Variants in ZNF773 observed in about 807,000 individuals in gnomAD.
The protein encoded by ZNF773 is zinc finger protein 773.
Under a neutral mutation model 12.8 loss-of-function variants are expected in ZNF773, and 11 were observed. The observed-to-expected ratio is 0.86, with a 90% confidence interval of 0.54 to 1.42. The LOEUF is 1.42. Ranked by LOEUF, ZNF773 falls within the 40% of genes most tolerant of loss-of-function variation. ZNF773 has a pLI of 0.00. For missense variants in ZNF773, 518 were observed against 527.2 expected (o/e 0.98, Z 0.17); for synonymous variants, 175 against 178.4 (o/e 0.98, Z 0.15).
At position 57,501,799 on chromosome 19, in the gene ZNF773, CA is replaced by C. The variant is rs2089673480; in HGVS notation, c.33+1687del. On this transcript the variant is annotated intron_variant, in intron 1 of 3. Coordinates refer to ENST00000282292, the MANE Select transcript of ZNF773 (RefSeq NM_198542.3). ...GTAAGTGGAGGATGTCTCAGGCCCT[CA>C]CCCTCCTCAACTCCTACCTACATGG... 3.3e-5 allele frequency among the ~76,000 whole-genome samples: 5 copies of C among 152,124 alleles called. No individual in the cohort carries two copies. The South Asian group carries it at 1.0e-3, about 32-fold the overall frequency.
In ZNF773 at chr19:57,508,001, CGTG is replaced by C. The variant is rs1045258531; in HGVS notation, c.*582_*584del. Reference sequence around the variant, plus strand: ...AAAAAAAAAAAAAAAATTAGCCCGGCGTGGTGGCAGGCAACTGTAGTCCCAGCT... The same window carrying C: ...AAAAAAAAAAAAAAAATTAGCCCGGCGTGGCAGGCAACTGTAGTCCCAGCT... On this transcript the variant is annotated 3_prime_UTR_variant, in exon 4 of 4. Transcript: ENST00000282292. 1 of 192,616 alleles carries C rather than the reference CGTG, an allele frequency of 5.2e-6. No individual in the cohort carries two copies. The highest frequency in any genetic ancestry group is 9.2e-6 in the Non-Finnish European group (1 of 108,132). 11.9% of individuals were successfully genotyped at this position (192,616 alleles called of 1,614,324 possible).
intron 3 of ZNF773, among the ~76,000 whole-genome samples, chr19:57,506,072 C>G (rs1045449727): frequency 6.6e-6 from 1 of 152,098 alleles, no homozygotes; most frequent in African/African-American, 2.4e-5. Context: ...TCTCCAGCAG[C>G]CAAAACCCTG....
downstream of ZNF773, among the ~76,000 whole-genome samples, chr19:57,509,618 T>TA (rs775035917): frequency 2.6e-5 from 4 of 152,210 alleles, no homozygotes; most frequent in Non-Finnish European, 4.4e-5. Context: ...ACCACAAACT[T>TA]ACGGTTTAAA....
chr19:57,507,214 C>A lies in ZNF773; in HGVS notation c.1119C>A (p.Ser373Arg). 6.2e-7 allele frequency: 1 copy of A among 1,611,186 alleles called. No individual in the cohort carries two copies. The highest frequency in any genetic ancestry group is 8.5e-7 in the Non-Finnish European group (1 of 1,178,008). The change falls in exon 4 of 4, where the codon AGC becomes AGA. Residue 373 changes from serine (S) to arginine (R), a missense_variant. Physicochemically the swap from Ser to Arg is moderately radical, Grantham distance 110 (BLOSUM62 -1). Transcript: ENST00000282292. ...ECGKFFSQSS[S>R]LMQHRKVHTG... ...GGAAATTTTTTAGCCAAAGCTCAAG[C>A]CTCATGCAACATCGAAAAGTTCACA...
At chr19:57,514,015 T>C (rs2089816497), downstream of ZNF773, 1 of 152,280 alleles carries the variant, frequency 6.6e-6, no homozygotes, top group African/African-American at 2.4e-5. Context: ...CCCCAAGGCG[T>C]GCTTAACAGT....
chr19:57,504,591 G>A (rs2123255912), intron 1 of ZNF773, 66 bp from the exon 2 acceptor site: 4 of 1,599,846 alleles, frequency 2.5e-6, no homozygotes, highest in South Asian at 1.1e-5. Context: ...AGGGGTGGAT[G>A]TTTAGGGGGA....
At position 57,506,390 on chromosome 19, in the gene ZNF773, G is replaced by A. The variant is rs55823456; in HGVS notation, c.295G>A (p.Ala99Thr). 1 of 1,613,136 alleles carries A rather than the reference G, an allele frequency of 6.2e-7. No homozygotes were observed. Among genetic ancestry groups the A allele is most frequent in the African/African-American group, 1.3e-5 (1 of 74,832 alleles). ...SWQGAKAEAA[A>T]EQSASVEVPS... ...GCAAGGAGCCAAGGCTGAGGCAGCTGCTGAGCAGAGTGCTTCTGTAGAAGT... is the reference window on the plus strand; with the variant it reads ...GCAAGGAGCCAAGGCTGAGGCAGCTACTGAGCAGAGTGCTTCTGTAGAAGT... The change falls in exon 4 of 4, where the codon GCT (alanine) becomes ACT (threonine). Residue 99 changes from alanine (A) to threonine (T), a missense_variant. Physicochemically the swap from Ala to Thr is moderately conservative, Grantham distance 58 (BLOSUM62 0). Coordinates refer to ENST00000282292, the MANE Select transcript of ZNF773 (RefSeq NM_198542.3).
intron 3 of ZNF773, 77 bp from the exon 4 acceptor site, chr19:57,506,281 G>T: frequency 6.5e-7 from 1 of 1,533,838 alleles, no homozygotes; most frequent in Non-Finnish European, 8.7e-7. Context: ...ATTACCAGGT[G>T]TGTCAGACAC....
At chr19:57,511,346 C>T (rs1039791653), downstream of ZNF773, among the ~76,000 whole-genome samples, 17 of 152,044 alleles carry the variant, frequency 1.1e-4, no homozygotes, top group Admixed American at 2.0e-4. Flanking sequence ...CCACCATGCC[C>T]GGCCAACAAT....
Position 57,507,354 on chromosome 19 carries a change from G to T in ZNF773, c.1259G>T (p.Cys420Phe), listed in dbSNP as rs145302350. The change falls in exon 4 of 4, where the codon TGT becomes TTT. Residue 420 changes from cysteine (C) to phenylalanine (F), a missense_variant. Physicochemically the swap from Cys to Phe is radical, Grantham distance 205. Coordinates refer to ENST00000282292, the MANE Select transcript of ZNF773 (RefSeq NM_198542.3). ...TGAKPYECRE[C>F]GKFFRHSSSL... ...GCAAAGCCTTATGAGTGCAGGGAAT[G>T]TGGGAAATTTTTTCGCCACAGCTCC... is the stretch of plus-strand genomic sequence containing the variant. The T allele has an allele frequency of 1.9e-6, 3 of 1,613,224 alleles. No individual in the cohort carries two copies. The highest frequency in any genetic ancestry group is 2.5e-6 in the Non-Finnish European group (3 of 1,179,782).
chr19:57,510,575 A>G (rs10153520), downstream of ZNF773, among the ~76,000 whole-genome samples: 31,416 of 152,064 alleles, frequency 0.21, 3,364 homozygotes, highest in African/African-American at 0.25. Flanking sequence ...TACATATAAC[A>G]TGATAATATT....
intron 1 of ZNF773, among the ~76,000 whole-genome samples, chr19:57,502,611 A>C (rs1489017919): frequency 6.6e-6 from 1 of 152,204 alleles, no homozygotes; most frequent in Non-Finnish European, 1.5e-5. Flanking sequence ...AGGCTACTAC[A>C]GTAGTCTGTG....
At chr19:57,508,667 C>T (rs1159448145), downstream of ZNF773, 5 of 630,516 alleles carry the variant, frequency 7.9e-6, no homozygotes, top group African/African-American at 1.8e-5. Flanking sequence ...TTTTCCATTT[C>T]TTCATATTAC....
downstream of ZNF773, chr19:57,516,188 G>T (rs2089831016): frequency 6.4e-6 from 1 of 155,808 alleles, no homozygotes. Flanking sequence ...TGAATGCAAA[G>T]ACAGAACAAG....
At chr19:57,502,278 G>A (rs932120794) in intron 1 of ZNF773, among the ~76,000 whole-genome samples, 1 of 152,104 alleles carries the variant, frequency 6.6e-6, no homozygotes, top group Non-Finnish European at 1.5e-5. Flanking sequence ...CTCATTTCTG[G>A]CAACCAATGA....
chr19:57,516,183 G>A (rs895184675), downstream of ZNF773: 20 of 155,838 alleles, frequency 1.3e-4, no homozygotes, highest in African/African-American at 4.1e-4. Context: ...GAATCTGAAT[G>A]CAAAGACAGA....
At chr19:57,501,840 G>A (rs996375815) in intron 1 of ZNF773, among the ~76,000 whole-genome samples, 1 of 151,980 alleles carries the variant, frequency 6.6e-6, no homozygotes, top group African/African-American at 2.4e-5. Context: ...CAGAATTATG[G>A]TGTCTTGGGA....
intron 3 of ZNF773, 134 bp downstream of exon 3, chr19:57,505,534 C>G: frequency 9.7e-7 from 1 of 1,032,532 alleles, no homozygotes; most frequent in Non-Finnish European, 1.5e-6. Flanking sequence ...TTTTCTTCCT[C>G]AGTCACCCAT....
intron 2 of ZNF773, 111 bp from the exon 3 acceptor site, chr19:57,505,191 C>G: frequency 7.1e-7 from 1 of 1,417,974 alleles, no homozygotes; most frequent in Non-Finnish European, 9.9e-7. Context: ...GTTGTTCCTG[C>G]AAGACCCTCC....
Sources: allele counts gnomAD v4.1 joint callset (sites outside exome capture counted in the v4.1 genomes callset), GRCh38; gene constraint gnomAD v4.1.1; transcripts MANE v1.5; gene names NCBI Gene and HGNC (gene_info 2026-07-23, HGNC 2026-07-21).